Variants in CECR2 observed in about 807,000 individuals in gnomAD.
The protein encoded by CECR2 is chromatin remodeling regulator CECR2.
CECR2 carries 30 observed loss-of-function variants against 154.5 expected under a neutral mutation model. The observed-to-expected ratio is 0.19, with a 90% CI of 0.15 to 0.26. CECR2 has a LOEUF of 0.26. Ranked by LOEUF, CECR2 falls within the 10% of genes least tolerant of loss-of-function variation. The pLI is 1.00. For synonymous variants in CECR2, 725 were observed against 683.7 expected (o/e 1.06, Z -0.94); for missense variants, 1,743 against 1,829.3 (o/e 0.95, Z 0.86).
chr22:17,360,562 A>G (rs567271501), intron 1 of CECR2, among the ~76,000 whole-genome samples: 1 of 152,270 alleles, frequency 6.6e-6, no homozygotes, highest in Non-Finnish European at 1.5e-5. Flanking sequence ...TCGTAATCCC[A>G]GCTACTCAGG....
rs2056474463 is a variant in CECR2 at position 17,538,710 on chromosome 22, T to G, written c.1347T>G (p.Pro449=). ...AACCTGTGGATGAATCTTATGCCCCTAACTATTATCAGATTATTAAGGTAG... is the reference window on the plus strand; with the variant it reads ...AACCTGTGGATGAATCTTATGCCCCGAACTATTATCAGATTATTAAGGTAG... ...FLEPVDESYA[P]NYYQIIKAPM... is the part of the protein sequence containing the mutation. Residue 449 remains proline, a synonymous_variant, in exon 12 of 19, where the codon CCT becomes CCG. Coordinates refer to ENST00000262608, the MANE Select transcript of CECR2 (RefSeq NM_001290047.2). 1.2e-6 allele frequency: 2 copies of G among 1,613,856 alleles called. No homozygotes were observed. The highest frequency in any genetic ancestry group is 8.5e-7 in the Non-Finnish European group (1 of 1,179,746).
intron 6 of CECR2, among the ~76,000 whole-genome samples, chr22:17,503,980 G>T (rs1569126870): frequency 2.6e-5 from 4 of 151,982 alleles, no homozygotes; most frequent in Non-Finnish European, 1.5e-5. Flanking sequence ...CCAGGAGGCG[G>T]AGGCTGCAGT....
At chr22:17,367,262 G>A (rs1161108584), upstream of CECR2, among the ~76,000 whole-genome samples, 7 of 152,156 alleles carry the variant, frequency 4.6e-5, no homozygotes, top group Non-Finnish European at 1.0e-4. Context: ...CTGCTTGCTG[G>A]TGTCATTAAT....
chr22:17,376,841 T>C (rs2063124585), intron 1 of CECR2, among the ~76,000 whole-genome samples: 1 of 152,084 alleles, frequency 6.6e-6, no homozygotes, highest in Non-Finnish European at 1.5e-5. Flanking sequence ...TTTCGCTGTG[T>C]TGGCCAGGCT....
At chr22:17,483,812 C>T (rs1203216708) in intron 2 of CECR2, among the ~76,000 whole-genome samples, 1 of 152,158 alleles carries the variant, frequency 6.6e-6, no homozygotes, top group African/African-American at 2.4e-5. Context: ...GCCAAGCCTT[C>T]ACATTCATTT....
intron 2 of CECR2, among the ~76,000 whole-genome samples, chr22:17,496,290 G>A (rs1039823030): frequency 5.3e-5 from 8 of 151,988 alleles, no homozygotes; most frequent in Admixed American, 3.3e-4. Context: ...GAGGTCAGGA[G>A]ATCGAGACCA....
intron 1 of CECR2, among the ~76,000 whole-genome samples, chr22:17,463,480 G>T (rs2054975763): frequency 6.6e-6 from 1 of 152,180 alleles, no homozygotes; most frequent in Non-Finnish European, 1.5e-5. Context: ...AGAAGAGAGG[G>T]GTTTCTGAAT....
At chr22:17,425,070 C>T (rs1486284738) in intron 1 of CECR2, among the ~76,000 whole-genome samples, 1 of 152,174 alleles carries the variant, frequency 6.6e-6, no homozygotes, top group Non-Finnish European at 1.5e-5. Flanking sequence ...TATGCATTTA[C>T]TTGCCTTTTG....
At chr22:17,470,120 A>G (rs1489239790) in intron 1 of CECR2, among the ~76,000 whole-genome samples, 1 of 152,032 alleles carries the variant, frequency 6.6e-6, no homozygotes, top group Non-Finnish European at 1.5e-5. Context: ...ACACTCAAAG[A>G]CACACACACT....
At chr22:17,510,830 C>A (rs1378601331) in intron 7 of CECR2, among the ~76,000 whole-genome samples, 1 of 152,158 alleles carries the variant, frequency 6.6e-6, no homozygotes, top group Non-Finnish European at 1.5e-5. Context: ...TGGTCTTGAT[C>A]TCCTGACTTC....
rs9605317 is a variant in CECR2, at chr22:17,531,010, A to T, written c.1109-6093A>T. On this transcript the variant is annotated intron_variant, in intron 9 of 18. Coordinates refer to ENST00000262608, the MANE Select transcript of CECR2 (RefSeq NM_001290047.2). Reference sequence around the variant, plus strand: ...GATGGCGCCACAACATTACTTACACACTTAATGCTACTGAATTGTATGCTC... The same window carrying T: ...GATGGCGCCACAACATTACTTACACTCTTAATGCTACTGAATTGTATGCTC... Among the ~76,000 whole-genome samples, 6 of 152,050 alleles carry T rather than the reference A, an allele frequency of 3.9e-5. No individual in the cohort carries two copies. The South Asian group carries it at 1.2e-3, about 32-fold the overall frequency.
At chr22:17,389,564 G>T (rs1253811194) in intron 1 of CECR2, among the ~76,000 whole-genome samples, 1 of 152,072 alleles carries the variant, frequency 6.6e-6, no homozygotes, top group African/African-American at 2.4e-5. Flanking sequence ...TTCTGACTCA[G>T]CCTCCCAAGT....
Position 17,548,836 on chromosome 22 carries a change from G to T in CECR2, c.3549G>T (p.Arg1183Ser), listed in dbSNP as rs200474238. The T allele has an allele frequency of 6.2e-7, 1 of 1,613,640 alleles. No individual in the cohort carries two copies. Among genetic ancestry groups the T allele is most frequent in the South Asian group, 1.1e-5 (1 of 91,062 alleles). The stretch of plus-strand genomic sequence containing the variant: ...GGTATCGCCCCCCACAAGGAATGAG[G>T]TATTCCTACCACCCACCGCCACAGC... The part of the protein sequence containing the change: ...FPRYRPPQGM[R>S]YSYHPPPQPS... Residue 1183 changes from arginine (R) to serine (S), a missense_variant, in exon 17 of 19, where the codon AGG becomes AGT. Transcript: ENST00000262608.
chr22:17,540,806 G>C lies in CECR2; in HGVS notation c.1884+6G>C. On this transcript the variant is annotated splice_donor_region_variant and intron_variant, in intron 14 of 18. Coordinates refer to ENST00000262608, the MANE Select transcript of CECR2 (RefSeq NM_001290047.2). ...CACCCTTTTTAAACCAGATGGTAAG[G>C]AATAGAGTGGAGACTGTTGCGGTTT... is the stretch of plus-strand genomic sequence containing the variant. The C allele has an allele frequency of 1.3e-6, 2 of 1,544,108 alleles. No homozygotes were observed. The highest frequency in any genetic ancestry group is 2.6e-5 in the South Asian group (2 of 78,228).
intron 1 of CECR2, among the ~76,000 whole-genome samples, chr22:17,383,575 T>TAAAAA (rs947982539): frequency 4.6e-5 from 7 of 150,748 alleles, no homozygotes. Flanking sequence ...CAGACCAGGT[T>TAAAAA]AAAAAAGAAA....
intron 1 of CECR2, among the ~76,000 whole-genome samples, chr22:17,397,578 A>C (rs2053830721): frequency 6.6e-6 from 1 of 151,792 alleles, no homozygotes; most frequent in Non-Finnish European, 1.5e-5. Context: ...GCTCACTGCC[A>C]TCTCCGCCTC....
intron 1 of CECR2, among the ~76,000 whole-genome samples, chr22:17,382,187 G>T (rs28707272): frequency 6.6e-6 from 1 of 152,106 alleles, no homozygotes; most frequent in Non-Finnish European, 1.5e-5. Flanking sequence ...ACTGTGCCCG[G>T]CCAGAGAGCC....
At chr22:17,524,293 T>A in intron 9 of CECR2, 22 bp downstream of exon 9, 1 of 1,601,586 alleles carries the variant, frequency 6.2e-7, no homozygotes, top group Non-Finnish European at 8.5e-7. Context: ...GTCCGCGTGG[T>A]CTGGAGAGGT....
intron 1 of CECR2, among the ~76,000 whole-genome samples, chr22:17,452,474 A>G (rs2054787100): frequency 6.6e-6 from 1 of 152,112 alleles, no homozygotes; most frequent in African/African-American, 2.4e-5. Flanking sequence ...AGGGGAAAAA[A>G]TGTGGTAGTG....
Sources: gnomAD v4.1 joint callset for allele counts (sites outside exome capture counted in the v4.1 genomes callset) on GRCh38, gnomAD v4.1.1 for gene constraint, MANE v1.5 for transcripts, NCBI Gene and HGNC (gene_info 2026-07-23, HGNC 2026-07-21) for gene names.